The following NKAIN2 variants were observed in gnomAD, a reference collection of about 807,000 sequenced individuals.
NKAIN2 encodes sodium/potassium-transporting ATPase subunit beta-1-interacting protein 2.
A neutral mutation model predicts 32.6 loss-of-function variants in NKAIN2; 14 were observed. The observed-to-expected ratio is 0.43, with a 90% confidence interval of 0.28 to 0.67. The LOEUF (loss-of-function observed/expected upper bound fraction) is 0.67. NKAIN2 is among the 30% of genes least tolerant of loss of function. NKAIN2 has a pLI of 0.17. For missense variants in NKAIN2, 198 were observed against 258.3 expected (o/e 0.77, Z 1.60); for synonymous variants, 80 against 87.2 (o/e 0.92, Z 0.46).
At chr6:123,817,667 A>G (rs1180558075) in intron 1 of NKAIN2, among the ~76,000 whole-genome samples, 3 of 152,126 alleles carry the variant, frequency 2.0e-5, no homozygotes, top group African/African-American at 7.2e-5. Flanking sequence ...ATCTTCAGGG[A>G]GGCAACCCAG....
intron 1 of NKAIN2, among the ~76,000 whole-genome samples, chr6:124,125,778 C>T (rs1368610708): frequency 6.6e-6 from 1 of 152,110 alleles, no homozygotes; most frequent in Non-Finnish European, 1.5e-5. Context: ...TTTGCCAGAA[C>T]ACAAAAGATA....
intron 1 of NKAIN2, among the ~76,000 whole-genome samples, chr6:124,088,652 A>G (rs1306166938): frequency 6.6e-6 from 1 of 152,028 alleles, no homozygotes; most frequent in Non-Finnish European, 1.5e-5. Flanking sequence ...TCCAGAAAAT[A>G]CTCACTGGAT....
chr6:124,115,562 AG>A (rs1190584759), intron 1 of NKAIN2, among the ~76,000 whole-genome samples: 1 of 152,104 alleles, frequency 6.6e-6, no homozygotes, highest in Non-Finnish European at 1.5e-5. Flanking sequence ...TAGTGACAGG[AG>A]AATGTAGAGA....
chr6:124,069,531 A>G (rs1783341178), intron 1 of NKAIN2, among the ~76,000 whole-genome samples: 1 of 152,108 alleles, frequency 6.6e-6, no homozygotes, highest in South Asian at 2.1e-4. Context: ...GTGAATTTTC[A>G]ATTGTGTAGT....
At chr6:124,241,419 G>T (rs1003826065) in intron 1 of NKAIN2, among the ~76,000 whole-genome samples, 1 of 152,060 alleles carries the variant, frequency 6.6e-6, no homozygotes, top group African/African-American at 2.4e-5. Flanking sequence ...AACCAAAAAA[G>T]AGCCCATATA....
At chr6:124,045,403 A>G (rs1285055499) in intron 1 of NKAIN2, among the ~76,000 whole-genome samples, 1 of 152,024 alleles carries the variant, frequency 6.6e-6, no homozygotes, top group Non-Finnish European at 1.5e-5. Flanking sequence ...AGGTGTTATG[A>G]AAATTATATA....
chr6:124,083,182 A>AT (rs1191823966), intron 1 of NKAIN2, among the ~76,000 whole-genome samples: 6 of 151,872 alleles, frequency 4.0e-5, no homozygotes, highest in Admixed American at 6.6e-5. Flanking sequence ...TAAAATTCAG[A>AT]TTTTTTTATT....
At chr6:124,286,145 A>C (rs181100298) in intron 2 of NKAIN2, among the ~76,000 whole-genome samples, 3 of 152,178 alleles carry the variant, frequency 2.0e-5, no homozygotes, top group African/African-American at 7.2e-5. Context: ...TACAAATGAA[A>C]CATGTCTGTG....
At chr6:124,102,298 G>A (rs768683570) in intron 1 of NKAIN2, among the ~76,000 whole-genome samples, 1 of 152,164 alleles carries the variant, frequency 6.6e-6, no homozygotes, top group South Asian at 2.1e-4. Context: ...CCTAAACTAG[G>A]TGCTCACTAT....
intron 4 of NKAIN2, among the ~76,000 whole-genome samples, chr6:124,687,268 C>CTCTA (rs1773953953): frequency 7.3e-6 from 1 of 136,272 alleles, no homozygotes; most frequent in African/African-American, 2.8e-5. Flanking sequence ...TATATTCTCT[C>CTCTA]TATATATAGA....
At chr6:123,935,599 G>GA (rs1776466004) in intron 1 of NKAIN2, among the ~76,000 whole-genome samples, 1 of 151,672 alleles carries the variant, frequency 6.6e-6, no homozygotes, top group Non-Finnish European at 1.5e-5. Context: ...AATGTTATTA[G>GA]AAAAAAGATT....
chr6:124,165,038 A>G (rs191919515), intron 1 of NKAIN2, among the ~76,000 whole-genome samples: 92 of 152,176 alleles, frequency 6.0e-4, no homozygotes, highest in Admixed American at 3.3e-3. Flanking sequence ...CTTATTAATT[A>G]TAACTAATAT....
intron 1 of NKAIN2, among the ~76,000 whole-genome samples, chr6:123,883,921 C>G (rs750511407): frequency 8.7e-4 from 113 of 129,638 alleles, no homozygotes; most frequent in Middle Eastern, 4.1e-3. Flanking sequence ...AAAAAAATTA[C>G]CTAGTCTCAG....
At chr6:124,534,564 G>C (rs1779646495) in intron 3 of NKAIN2, among the ~76,000 whole-genome samples, 1 of 152,206 alleles carries the variant, frequency 6.6e-6, no homozygotes, top group South Asian at 2.1e-4. Flanking sequence ...ATGTATGTTT[G>C]AGTATGACAG....
intron 1 of NKAIN2, among the ~76,000 whole-genome samples, chr6:123,969,245 G>A (rs544705595): frequency 2.0e-5 from 3 of 152,258 alleles, no homozygotes; most frequent in Non-Finnish European, 4.4e-5. Context: ...GTATTAATGT[G>A]TGATGGGATT....
chr6:124,435,935 G>C (rs1347256517), intron 3 of NKAIN2, among the ~76,000 whole-genome samples: 1 of 151,994 alleles, frequency 6.6e-6, no homozygotes, highest in East Asian at 1.9e-4. Context: ...TTAAATATAA[G>C]TAGTTTCTTT....
intron 1 of NKAIN2, among the ~76,000 whole-genome samples, chr6:123,990,650 A>G (rs763693756): frequency 5.9e-5 from 9 of 152,142 alleles, no homozygotes; most frequent in Non-Finnish European, 1.3e-4. Flanking sequence ...ATCATCTGAA[A>G]CATTTGACAC....
intron 4 of NKAIN2, among the ~76,000 whole-genome samples, chr6:124,732,333 G>T (rs1179798000): frequency 2.6e-5 from 4 of 152,044 alleles, no homozygotes; most frequent in Admixed American, 6.6e-5. Flanking sequence ...TCTTACGGAA[G>T]CTGAGGAATA....
intron 5 of NKAIN2, among the ~76,000 whole-genome samples, chr6:124,813,994 A>C (rs559720528): frequency 6.6e-6 from 1 of 152,312 alleles, no homozygotes; most frequent in South Asian, 2.1e-4. Flanking sequence ...TATAAAAGAA[A>C]CTGAAAACAG....
Sources: gnomAD v4.1 joint callset for allele counts (sites outside exome capture counted in the v4.1 genomes callset) on GRCh38, gnomAD v4.1.1 for gene constraint, MANE v1.5 for transcripts, NCBI Gene and HGNC (gene_info 2026-07-23, HGNC 2026-07-21) for gene names.